Variants in RGS6 observed in about 807,000 individuals in gnomAD.
RGS6 encodes the protein regulator of G protein signaling 6, also known as regulator of G-protein signaling 6.
A neutral mutation model predicts 78.5 loss-of-function variants in RGS6; 30 were observed. The ratio of observed to expected loss-of-function variants is 0.38; its 90% CI spans 0.29 to 0.52. The LOEUF (loss-of-function observed/expected upper bound fraction) is 0.52, where lower values mean the gene tolerates loss of function less well. Among genes scored for constraint, RGS6 ranks in the 20% least tolerant of loss-of-function variants. The pLI is 0.85. For missense variants in RGS6, 495 were observed against 609.7 expected (o/e 0.81, Z 1.98); for synonymous variants, 206 against 206.0 (o/e 1.00, Z 0.00).
intron 2 of RGS6, among the ~76,000 whole-genome samples, chr14:72,175,253 C>T (rs113947598): frequency 1.1e-4 from 17 of 152,244 alleles, no homozygotes; most frequent in African/African-American, 3.9e-4. Flanking sequence ...ACCTGGAACT[C>T]TTATGTTCTG....
intron 3 of RGS6, among the ~76,000 whole-genome samples, chr14:72,361,549 G>A (rs1367508419): frequency 6.6e-6 from 1 of 152,096 alleles, no homozygotes; most frequent in African/African-American, 2.4e-5. Flanking sequence ...ATTATTGGCA[G>A]GGACAATAAT....
chr14:71,989,536 T>C (rs55966015), intron 2 of RGS6, among the ~76,000 whole-genome samples: 57 of 152,364 alleles, frequency 3.7e-4, no homozygotes, highest in South Asian at 1.0e-3. Context: ...GGCAGACATA[T>C]CTATTTCTGC....
intron 13 of RGS6, among the ~76,000 whole-genome samples, chr14:72,499,720 C>T (rs2096696282): frequency 6.6e-6 from 1 of 151,882 alleles, no homozygotes. Context: ...TGCCTGTTCC[C>T]TCCTCGTTGG....
At chr14:72,349,510 A>G (rs2078718667) in intron 2 of RGS6, among the ~76,000 whole-genome samples, 3 of 152,160 alleles carry the variant, frequency 2.0e-5, no homozygotes, top group Admixed American at 2.0e-4. Flanking sequence ...TATTAATACC[A>G]TGGGGGAGTC....
chr14:72,528,074 TGAG>T (rs1194949056), intron 15 of RGS6, among the ~76,000 whole-genome samples: 2 of 152,170 alleles, frequency 1.3e-5, no homozygotes, highest in African/African-American at 4.8e-5. Flanking sequence ...AGGGTCTTCT[TGAG>T]GAGTTCAGCT....
At chr14:72,251,671 C>A (rs976301979) in intron 2 of RGS6, among the ~76,000 whole-genome samples, 1 of 152,066 alleles carries the variant, frequency 6.6e-6, no homozygotes, top group Non-Finnish European at 1.5e-5. Flanking sequence ...AATATGTGGA[C>A]ATAAAGATGG....
chr14:72,247,390 T>C (rs899324425), intron 2 of RGS6, among the ~76,000 whole-genome samples: 18 of 152,210 alleles, frequency 1.2e-4, no homozygotes, highest in Admixed American at 1.2e-3. Flanking sequence ...TCCTGCAAAC[T>C]TCATTATCCT....
intron 2 of RGS6, among the ~76,000 whole-genome samples, chr14:71,994,783 C>G (rs527766095): frequency 6.6e-6 from 1 of 152,070 alleles, no homozygotes; most frequent in East Asian, 1.9e-4. Flanking sequence ...ATACCCTTCC[C>G]CAGAGCCTTC....
At position 72,540,103 on chromosome 14, in the gene RGS6, A is replaced by G. The variant is rs1226368288; in HGVS notation, c.1422+9A>G. 5.1e-6 allele frequency: 8 copies of G among 1,583,606 alleles called. No homozygotes were observed. Among genetic ancestry groups the G allele is most frequent in the Non-Finnish European group, 6.8e-6 (8 of 1,175,736 alleles). On this transcript the variant is annotated intron_variant, in intron 17 of 17. Transcript: ENST00000553525. Reference sequence around the variant, plus strand: ...AGTTCACTCGCAGTGTGGTAAGTTCAGTCGGTTTTCTTCCCTCAGCTTTTC... The same window carrying G: ...AGTTCACTCGCAGTGTGGTAAGTTCGGTCGGTTTTCTTCCCTCAGCTTTTC...
intron 2 of RGS6, among the ~76,000 whole-genome samples, chr14:72,004,883 G>A (rs1244469572): frequency 6.6e-6 from 1 of 152,164 alleles, no homozygotes; most frequent in East Asian, 1.9e-4. Context: ...GATCCTCTTG[G>A]TATGTCCATT....
At chr14:72,444,908 C>T (rs1045908033) in intron 3 of RGS6, among the ~76,000 whole-genome samples, 3 of 152,282 alleles carry the variant, frequency 2.0e-5, no homozygotes, top group African/African-American at 7.2e-5. Flanking sequence ...AGAGACCTGC[C>T]TGTTAAGAAG....
At chr14:72,194,313 C>A (rs573111031) in intron 2 of RGS6, among the ~76,000 whole-genome samples, 3 of 152,266 alleles carry the variant, frequency 2.0e-5, no homozygotes, top group Admixed American at 2.0e-4. Flanking sequence ...GATGGCTATA[C>A]CGGTAAACAG....
chr14:72,155,302 G>T (rs1250713754), intron 2 of RGS6, among the ~76,000 whole-genome samples: 1 of 152,232 alleles, frequency 6.6e-6, no homozygotes, highest in Admixed American at 6.5e-5. Context: ...CTGCGGAGCA[G>T]AACAGTGGCC....
chr14:72,508,067 G>T (rs1350975433), intron 13 of RGS6, among the ~76,000 whole-genome samples: 1 of 152,206 alleles, frequency 6.6e-6, no homozygotes, highest in Non-Finnish European at 1.5e-5. Context: ...GAAAGGCCTA[G>T]CCTGGTACTT....
At chr14:71,878,537 G>A in the RGS6 span, among the ~76,000 whole-genome samples, 7 of 152,206 alleles carry the variant, frequency 4.6e-5, no homozygotes, top group African/African-American at 1.7e-4. Flanking sequence ...TTGGAAAAGC[G>A]CAGTATTAGG....
intron 6 of RGS6, among the ~76,000 whole-genome samples, chr14:72,465,351 A>G (rs971806696): frequency 1.3e-5 from 2 of 152,144 alleles, no homozygotes; most frequent in African/African-American, 4.8e-5. Context: ...GTGAGGAGGA[A>G]GAAGGGGAGT....
chr14:72,036,843 TTC>T (rs1424133591), intron 2 of RGS6, among the ~76,000 whole-genome samples: 3 of 152,208 alleles, frequency 2.0e-5, no homozygotes, highest in Non-Finnish European at 4.4e-5. Context: ...GATTTATTTT[TTC>T]TGTTATAGAT....
rs567881206 is a variant in RGS6, at chr14:72,508,852, C to T, written c.966-1302C>T. Among the ~76,000 whole-genome samples the T allele has an allele frequency of 3.9e-5, 6 of 152,120 alleles. No individual in the cohort carries two copies. The South Asian group carries it at 1.2e-3, about 32-fold the overall frequency. ...TTCTTCTTCTGGTTCACAGACCACA[C>T]CTTGAATAGGGAAGAGTTGTAGCAT... On this transcript the variant is annotated intron_variant, in intron 13 of 17. Transcript: ENST00000553525.
intron 2 of RGS6, among the ~76,000 whole-genome samples, chr14:72,237,369 A>C (rs1319244871): frequency 6.6e-6 from 1 of 152,276 alleles, no homozygotes; most frequent in East Asian, 1.9e-4. Flanking sequence ...AAACTCCTGG[A>C]ATATGTAGTC....
Sources: gnomAD v4.1 joint callset for allele counts (sites outside exome capture counted in the v4.1 genomes callset) on GRCh38, gnomAD v4.1.1 for gene constraint, MANE v1.5 for transcripts, NCBI Gene and HGNC (gene_info 2026-07-23, HGNC 2026-07-21) for gene names.